FHIT: variants seen among roughly 807,000 people sequenced by gnomAD.
FHIT encodes bis(5'-adenosyl)-triphosphatase.
Under a neutral mutation model 17.9 loss-of-function variants are expected in FHIT, and 19 were observed. The observed-to-expected ratio is 1.06, with a 90% CI of 0.74 to 1.56. The LOEUF is 1.56. FHIT is among the 40% of genes most tolerant of loss of function. FHIT has a pLI of 0.00. For missense variants in FHIT, 248 were observed against 189.2 expected, an observed-to-expected ratio of 1.31 and a Z score of -1.82; for synonymous variants, 81 against 69.7, an observed-to-expected ratio of 1.16 and a Z score of -0.81.
At chr3:60,007,415 G>A (rs779989359) in intron 7 of FHIT, among the ~76,000 whole-genome samples, 18 of 152,186 alleles carry the variant, frequency 1.2e-4, no homozygotes, top group African/African-American at 3.4e-4. Flanking sequence ...CATACATATC[G>A]TCTTCTACTT....
intron 7 of FHIT, among the ~76,000 whole-genome samples, chr3:59,976,401 A>G (rs1183205584): frequency 6.6e-6 from 1 of 152,002 alleles, no homozygotes; most frequent in Non-Finnish European, 1.5e-5. Context: ...TACAAAAAAC[A>G]CAAACAAACA....
intron 2 of FHIT, among the ~76,000 whole-genome samples, chr3:61,124,791 T>C (rs535061169): frequency 6.6e-6 from 1 of 152,330 alleles, no homozygotes; most frequent in South Asian, 2.1e-4. Flanking sequence ...TTAACTTCGA[T>C]CATCCATCTG....
chr3:61,078,379 A>G (rs1021080910), intron 2 of FHIT, among the ~76,000 whole-genome samples: 30 of 151,996 alleles, frequency 2.0e-4, no homozygotes, highest in African/African-American at 1.9e-4. Flanking sequence ...TCTGTGGCAC[A>G]TTTTCCACTG....
intron 5 of FHIT, among the ~76,000 whole-genome samples, chr3:60,366,345 A>T (rs1380308961): frequency 6.6e-6 from 1 of 152,062 alleles, no homozygotes; most frequent in Non-Finnish European, 1.5e-5. Flanking sequence ...GGCTGCTCTC[A>T]AACTCCTGAC....
chr3:60,445,652 T>C lies in FHIT; in HGVS notation c.103+91208A>G, dbSNP rs144999387. 1.6e-3 allele frequency among the ~76,000 whole-genome samples: 238 copies of C among 152,192 alleles called. 3 individuals carry two copies. The highest frequency in any genetic ancestry group is 5.4e-3 in the African/African-American group (226 of 41,532). ...CCAGGAAGCCACTCACAGGGCTGAATGTAATTTTACTTAAGCCTGTCTGAA... is the reference window on the plus strand; with the variant it reads ...CCAGGAAGCCACTCACAGGGCTGAACGTAATTTTACTTAAGCCTGTCTGAA... On this transcript the variant is annotated intron_variant, in intron 5 of 9. Transcript: ENST00000492590.
intron 3 of FHIT, chr3:60,912,750 C>G (rs1553766225): frequency 1.9e-6 from 1 of 516,788 alleles, no homozygotes; most frequent in South Asian, 1.4e-5. Context: ...CATATATTTA[C>G]CTTCTCACAA....
chr3:60,032,358 G>A (rs1159666418), intron 5 of FHIT, among the ~76,000 whole-genome samples: 1 of 152,058 alleles, frequency 6.6e-6, no homozygotes, highest in African/African-American at 2.4e-5. Flanking sequence ...AGACTGAGAT[G>A]GGAGGACTGC....
At chr3:61,148,768 A>G (rs2037300000) in intron 2 of FHIT, among the ~76,000 whole-genome samples, 1 of 152,208 alleles carries the variant, frequency 6.6e-6, no homozygotes, top group South Asian at 2.1e-4. Context: ...AAGGTCTAAT[A>G]TTTCCTTTTA....
At chr3:61,223,858 T>C (rs1051899584) in intron 1 of FHIT, among the ~76,000 whole-genome samples, 1 of 123,832 alleles carries the variant, frequency 8.1e-6, no homozygotes, top group Non-Finnish European at 1.9e-5. Context: ...TGACTCATTA[T>C]TCAAGCCAAC....
At chr3:60,225,435 G>A (rs2107541802) in intron 5 of FHIT, among the ~76,000 whole-genome samples, 1 of 152,334 alleles carries the variant, frequency 6.6e-6, no homozygotes, top group Non-Finnish European at 1.5e-5. Context: ...GAGAACAGGA[G>A]AAAGTTTAGA....
intron 3 of FHIT, among the ~76,000 whole-genome samples, chr3:60,984,301 T>C (rs1710622210): frequency 6.6e-6 from 1 of 152,176 alleles, no homozygotes; most frequent in African/African-American, 2.4e-5. Context: ...TTCATTGTGG[T>C]GTTATAAGGA....
chr3:60,099,041 C>T (rs1334774510), intron 5 of FHIT, among the ~76,000 whole-genome samples: 1 of 152,124 alleles, frequency 6.6e-6, no homozygotes, highest in Non-Finnish European at 1.5e-5. Context: ...TGACCACTGG[C>T]TCTCAAAGCC....
At chr3:60,359,816 C>T (rs1699830689) in intron 5 of FHIT, among the ~76,000 whole-genome samples, 1 of 151,900 alleles carries the variant, frequency 6.6e-6, no homozygotes, top group African/African-American at 2.4e-5. Flanking sequence ...GGCAAAGGTC[C>T]CAAGATAATA....
At chr3:60,050,295 T>C (rs149349800) in intron 5 of FHIT, among the ~76,000 whole-genome samples, 1 of 152,196 alleles carries the variant, frequency 6.6e-6, no homozygotes, top group African/African-American at 2.4e-5. Context: ...TTAATTATAA[T>C]TAAATTCCTT....
intron 7 of FHIT, among the ~76,000 whole-genome samples, chr3:59,997,776 G>T (rs1306792483): frequency 1.3e-5 from 2 of 152,090 alleles, no homozygotes; most frequent in Non-Finnish European, 2.9e-5. Flanking sequence ...AATCAATTAG[G>T]TTTGCAATTA....
intron 4 of FHIT, among the ~76,000 whole-genome samples, chr3:60,724,870 A>T (rs1410382349): frequency 1.3e-5 from 2 of 151,826 alleles, no homozygotes; most frequent in African/African-American, 4.8e-5. Context: ...GCTGGTCTCA[A>T]ACTCCTGGCC....
At chr3:60,173,915 A>ATATATATATATATATATT in intron 5 of FHIT, among the ~76,000 whole-genome samples, 4 of 66,424 alleles carry the variant, frequency 6.0e-5, no homozygotes, top group South Asian at 4.7e-4. Context: ...ATATATATAT[A>ATATATATATATATATATT]TGTTTTTTTT....
At chr3:60,905,099 A>G (rs1384542489) in intron 3 of FHIT, among the ~76,000 whole-genome samples, 1 of 152,182 alleles carries the variant, frequency 6.6e-6, no homozygotes, top group Non-Finnish European at 1.5e-5. Context: ...ACTAAGAATT[A>G]TAACCATATT....
intron 5 of FHIT, among the ~76,000 whole-genome samples, chr3:60,169,456 G>A (rs942104514): frequency 6.6e-6 from 1 of 152,124 alleles, no homozygotes; most frequent in African/African-American, 2.4e-5. Flanking sequence ...GGGAGGCAAC[G>A]TAATGAAAAC....
Sources: allele counts gnomAD v4.1 joint callset (sites outside exome capture counted in the v4.1 genomes callset), GRCh38; gene constraint gnomAD v4.1.1; transcripts MANE v1.5; gene names NCBI Gene and HGNC (gene_info 2026-07-23, HGNC 2026-07-21).